ASTN2: variants seen among roughly 807,000 people sequenced by gnomAD.
The protein encoded by ASTN2 is astrotactin-2.
A neutral mutation model predicts 139.8 loss-of-function variants in ASTN2; 54 were observed. The ratio of observed to expected loss-of-function variants is 0.39; its 90% CI spans 0.31 to 0.48. ASTN2 has a LOEUF of 0.48. Among genes scored for constraint, ASTN2 ranks in the 20% least tolerant of loss-of-function variants. The probability of loss-of-function intolerance (pLI) is 0.95; values close to 1 mark genes in which losing one functional copy is unlikely to be tolerated. For synonymous variants in ASTN2, 756 were observed against 719.5 expected (o/e 1.05, Z -0.81); for missense variants, 1,565 against 1,725.1 (o/e 0.91, Z 1.64).
At chr9:116,431,981 A>C (rs1363008196) in intron 22 of ASTN2, among the ~76,000 whole-genome samples, 2 of 148,378 alleles carry the variant, frequency 1.3e-5, no homozygotes, top group African/African-American at 2.4e-5. Context: ...CGGGTTCCTC[A>C]TCACTGGAGG....
At chr9:116,638,937 G>T (rs191153430) in intron 17 of ASTN2, among the ~76,000 whole-genome samples, 1 of 152,302 alleles carries the variant, frequency 6.6e-6, no homozygotes, top group East Asian at 1.9e-4. Context: ...ATGTTTAAGA[G>T]ATAAGGATTT....
chr9:117,204,117 T>C (rs1831830091), intron 3 of ASTN2, among the ~76,000 whole-genome samples: 2 of 152,188 alleles, frequency 1.3e-5, no homozygotes, highest in African/African-American at 4.8e-5. Context: ...GGGTTACACC[T>C]GAACAGGCAC....
chr9:116,950,063 T>C (rs1027913118), intron 10 of ASTN2, among the ~76,000 whole-genome samples: 2 of 152,150 alleles, frequency 1.3e-5, no homozygotes, highest in Non-Finnish European at 2.9e-5. Context: ...TCAAAGAATA[T>C]GCAAGGAAGC....
intron 17 of ASTN2, among the ~76,000 whole-genome samples, chr9:116,649,364 G>A (rs946727910): frequency 6.6e-6 from 1 of 152,028 alleles, no homozygotes; most frequent in African/African-American, 2.4e-5. Context: ...CCTGAGGCCA[G>A]GAGTTCAAGA....
chr9:116,549,695 A>T (rs770865533), intron 19 of ASTN2, among the ~76,000 whole-genome samples: 1 of 152,180 alleles, frequency 6.6e-6, no homozygotes, highest in Non-Finnish European at 1.5e-5. Flanking sequence ...AACATGCTGA[A>T]CAGCAAGATG....
chr9:117,334,348 G>A (rs1044684317), intron 1 of ASTN2, among the ~76,000 whole-genome samples: 1 of 152,086 alleles, frequency 6.6e-6, no homozygotes, highest in African/African-American at 2.4e-5. Context: ...CTGCTTTCAG[G>A]TGCAGGCTTA....
chr9:117,044,121 C>G (rs1838664729), intron 5 of ASTN2, among the ~76,000 whole-genome samples: 1 of 152,012 alleles, frequency 6.6e-6, no homozygotes, highest in African/African-American at 2.4e-5. Context: ...TAAATAATTT[C>G]CAAAAGAAAT....
At chr9:116,822,619 T>C (rs574267746) in intron 11 of ASTN2, among the ~76,000 whole-genome samples, 3 of 152,308 alleles carry the variant, frequency 2.0e-5, no homozygotes, top group African/African-American at 4.8e-5. Flanking sequence ...GGGTATGGTC[T>C]CAGTCCTTCC....
intron 6 of ASTN2, among the ~76,000 whole-genome samples, chr9:117,032,392 C>A (rs1838272221): frequency 1.3e-5 from 2 of 152,272 alleles, no homozygotes; most frequent in African/African-American, 2.4e-5. Context: ...TTGTACAGAA[C>A]TTCCACCCAT....
At chr9:117,022,537 C>T (rs953006764) in intron 6 of ASTN2, among the ~76,000 whole-genome samples, 1 of 152,028 alleles carries the variant, frequency 6.6e-6, no homozygotes, top group Non-Finnish European at 1.5e-5. Flanking sequence ...GGGAAAGTGC[C>T]CTGAGATTCT....
At chr9:117,390,443 C>T (rs1187258578) in intron 1 of ASTN2, among the ~76,000 whole-genome samples, 1 of 152,154 alleles carries the variant, frequency 6.6e-6, no homozygotes, top group East Asian at 1.9e-4. Context: ...GTTCATCATT[C>T]CTGTATCATA....
intron 12 of ASTN2, among the ~76,000 whole-genome samples, chr9:116,818,162 C>T (rs111907672): frequency 0.052 from 7,919 of 152,124 alleles, 658 homozygotes; most frequent in African/African-American, 0.17. Flanking sequence ...AGTCATGGTA[C>T]GTAGAAAGTC....
intron 16 of ASTN2, among the ~76,000 whole-genome samples, chr9:116,673,653 T>C (rs923160743): frequency 2.0e-5 from 3 of 152,110 alleles, no homozygotes; most frequent in African/African-American, 7.2e-5. Flanking sequence ...GAGGTAGAGA[T>C]TGAAGTTATG....
intron 19 of ASTN2, among the ~76,000 whole-genome samples, chr9:116,586,835 C>CACACACAT (rs1554717128): frequency 7.6e-4 from 110 of 144,094 alleles, no homozygotes; most frequent in Non-Finnish European, 1.2e-3. Context: ...CATACATACA[C>CACACACAT]ACACACACAC....
intron 2 of ASTN2, among the ~76,000 whole-genome samples, chr9:117,248,787 G>A (rs1275660913): frequency 6.6e-6 from 1 of 152,220 alleles, no homozygotes; most frequent in Non-Finnish European, 1.5e-5. Flanking sequence ...AGGACATGTA[G>A]GAGATGGTGC....
intron 19 of ASTN2, among the ~76,000 whole-genome samples, chr9:116,601,656 C>T (rs1292195054): frequency 6.6e-6 from 1 of 152,092 alleles, no homozygotes; most frequent in Non-Finnish European, 1.5e-5. Context: ...AAGATAACTG[C>T]TTTAAGAAAC....
chr9:116,920,946 C>T lies in ASTN2; in HGVS notation c.1889+54262G>A, dbSNP rs1834587687. On this transcript the variant is annotated intron_variant, in intron 10 of 22. Transcript: ENST00000313400. ...ATCCATCTGTTTTAGTCTATTCTCA[C>T]ACTGTTACAATGAAATACCTGAGAC... 2.6e-5 allele frequency among the ~76,000 whole-genome samples: 4 copies of T among 152,184 alleles called. 1 individual carries two copies. The highest frequency in any genetic ancestry group is 2.6e-4 in the Admixed American group (4 of 15,288).
intron 16 of ASTN2, among the ~76,000 whole-genome samples, chr9:116,695,178 C>T (rs1860781405): frequency 6.6e-6 from 1 of 152,194 alleles, no homozygotes; most frequent in Non-Finnish European, 1.5e-5. Context: ...CTTCAAGGTT[C>T]CACTATGTTT....
At chr9:116,547,889 C>T (rs1363042393) in intron 19 of ASTN2, among the ~76,000 whole-genome samples, 1 of 152,206 alleles carries the variant, frequency 6.6e-6, no homozygotes, top group East Asian at 1.9e-4. Context: ...CAGGCATCAG[C>T]CTCTGCGTGG....
Sources: allele counts gnomAD v4.1 joint callset (sites outside exome capture counted in the v4.1 genomes callset), GRCh38; gene constraint gnomAD v4.1.1; transcripts MANE v1.5; gene names NCBI Gene and HGNC (gene_info 2026-07-23, HGNC 2026-07-21).